The following ADCY1 variants were observed in gnomAD, a reference collection of about 807,000 sequenced individuals.
ADCY1 encodes the protein adenylate cyclase type 1.
ADCY1 carries 28 observed loss-of-function variants against 105.4 expected under a neutral mutation model. The ratio of observed to expected loss-of-function variants is 0.27; its 90% CI spans 0.20 to 0.36. ADCY1 has a LOEUF of 0.36. Among genes scored for constraint, ADCY1 ranks in the 10% least tolerant of loss-of-function variants. ADCY1 has a pLI of 1.00. For missense variants in ADCY1, 977 were observed against 1,434.2 expected (o/e 0.68, Z 5.15); for synonymous variants, 655 against 623.8 (o/e 1.05, Z -0.75).
At chr7:45,693,988 A>C (rs1784829490) in intron 14 of ADCY1, among the ~76,000 whole-genome samples, 1 of 112,142 alleles carries the variant, frequency 8.9e-6, no homozygotes, top group Non-Finnish European at 1.8e-5. Context: ...GGGGGGAGGG[A>C]TAGCATTGGG....
At chr7:45,589,682 G>T (rs1330218246) in intron 1 of ADCY1, among the ~76,000 whole-genome samples, 1 of 152,152 alleles carries the variant, frequency 6.6e-6, no homozygotes, top group Non-Finnish European at 1.5e-5. Context: ...GTGTCTCGGC[G>T]GGTGAGCCCT....
At chr7:45,695,259 A>G (rs956797534) in intron 14 of ADCY1, among the ~76,000 whole-genome samples, 2 of 152,188 alleles carry the variant, frequency 1.3e-5, no homozygotes, top group African/African-American at 4.8e-5. Flanking sequence ...TAGGAGGGCA[A>G]ATTGAATTCC....
rs1453000993 is a variant in ADCY1 at position 45,716,481 on chromosome 7, G to A, written c.*2486G>A. On this transcript the variant is annotated 3_prime_UTR_variant, in exon 20 of 20. Transcript: ENST00000297323. ...GCAGTCACTTCAGACAGGAGCCACA[G>A]GGAGCCTGTGAGGGAGTAGTGCGGT... 6.5e-6 allele frequency: 1 copy of A among 152,726 alleles called. No homozygotes were observed. Among genetic ancestry groups the A allele is most frequent in the Non-Finnish European group, 1.5e-5 (1 of 68,446 alleles). 9.5% of individuals were successfully genotyped at this position (152,726 alleles called of 1,614,324 possible).
chr7:45,670,668 G>A (rs1364602160), intron 8 of ADCY1, among the ~76,000 whole-genome samples: 2 of 151,442 alleles, frequency 1.3e-5, no homozygotes, highest in East Asian at 3.9e-4. Context: ...CTCACCTGAG[G>A]GTGGACCTGT....
At position 45,684,862 on chromosome 7, in the gene ADCY1, A is replaced by T. The variant is rs1444595501; in HGVS notation, c.1984-117A>T. On this transcript the variant is annotated intron_variant, in intron 11 of 19. Coordinates refer to ENST00000297323, the MANE Select transcript of ADCY1 (RefSeq NM_021116.4). ...GACATGTGAGGAGGGTGAAAAACGG[A>T]TGTGGACCTAGCAGCTTGCAGGTCA... is the stretch of plus-strand genomic sequence containing the variant. 5 of 839,692 alleles carry T rather than the reference A, an allele frequency of 6.0e-6. No individual in the cohort carries two copies. The Admixed American group carries it at 7.3e-5, about 12-fold the overall frequency. 52.0% of individuals were successfully genotyped at this position (839,692 alleles called of 1,614,324 possible). A position where few individuals can be genotyped will look rare whatever the true frequency, so the allele number is the denominator to read the frequency against.
chr7:45,575,285 G>A lies in ADCY1; in HGVS notation c.639+103G>A. 1 of 1,402,582 alleles carries A rather than the reference G, an allele frequency of 7.1e-7. No homozygotes were observed. Among genetic ancestry groups the A allele is most frequent in the South Asian group, 1.4e-5 (1 of 69,048 alleles). The allele number at this position is 1,402,582 out of a possible 1,614,324, so 86.9% of individuals were successfully genotyped here. A position where few individuals can be genotyped will look rare whatever the true frequency, so the allele number is the denominator to read the frequency against. On this transcript the variant is annotated intron_variant, in intron 1 of 19. Coordinates refer to ENST00000297323, the MANE Select transcript of ADCY1 (RefSeq NM_021116.4). The surrounding 1 kb of genome is among the most constrained non-coding windows in gnomAD (Gnocchi z 4.7). ...GCGCTTTTTCCTATGCGGCGGGTGG[G>A]GACACTGAGGCTCCGAGTGGGGGTG...
chr7:45,705,709 G>C (rs923516399), intron 17 of ADCY1, among the ~76,000 whole-genome samples: 1 of 152,142 alleles, frequency 6.6e-6, no homozygotes, highest in Non-Finnish European at 1.5e-5. Context: ...TTTACTGGAA[G>C]GCAGTAAGAC....
intron 3 of ADCY1, among the ~76,000 whole-genome samples, chr7:45,614,829 A>C (rs1005570390): frequency 2.0e-5 from 3 of 152,234 alleles, no homozygotes; most frequent in African/African-American, 7.2e-5. Context: ...GGAAGATAAA[A>C]TAATTGTAAA....
At chr7:45,683,952 G>A (rs147968595) in intron 11 of ADCY1, among the ~76,000 whole-genome samples, 1 of 152,382 alleles carries the variant, frequency 6.6e-6, no homozygotes, top group Non-Finnish European at 1.5e-5. Flanking sequence ...CCGAGCTCAC[G>A]CCAGGTGGAA....
chr7:45,630,679 C>A (rs1225860339), intron 4 of ADCY1, among the ~76,000 whole-genome samples: 2 of 152,008 alleles, frequency 1.3e-5, no homozygotes, highest in African/African-American at 4.8e-5. Context: ...TTCCCTTTTT[C>A]TGTATGTGTG....
chr7:45,658,331 A>G (rs1794994639), intron 6 of ADCY1, among the ~76,000 whole-genome samples: 1 of 152,186 alleles, frequency 6.6e-6, no homozygotes, highest in Non-Finnish European at 1.5e-5. Context: ...GCTCATGGAC[A>G]TCTGGGTCAC....
intron 18 of ADCY1, among the ~76,000 whole-genome samples, chr7:45,709,221 G>A (rs1785179129): frequency 6.6e-6 from 1 of 152,204 alleles, no homozygotes; most frequent in African/African-American, 2.4e-5. Flanking sequence ...TGGGCAGAGG[G>A]CAGGGGCAGA....
chr7:45,614,334 G>A (rs1793676748), intron 3 of ADCY1, among the ~76,000 whole-genome samples: 1 of 152,026 alleles, frequency 6.6e-6, no homozygotes, highest in South Asian at 2.1e-4. Context: ...AAAATGGACA[G>A]TTATAGTTTT....
chr7:45,638,234 T>C (rs1488835672), intron 4 of ADCY1, among the ~76,000 whole-genome samples: 1 of 152,210 alleles, frequency 6.6e-6, no homozygotes, highest in East Asian at 1.9e-4. Flanking sequence ...TATTAGGGAG[T>C]TCCACTCTTG....
chr7:45,666,868 C>G (rs1265819227), intron 8 of ADCY1, among the ~76,000 whole-genome samples: 3 of 152,228 alleles, frequency 2.0e-5, no homozygotes, highest in Non-Finnish European at 4.4e-5. Context: ...TTGCATTTCT[C>G]TGATGGCCAG....
chr7:45,623,639 TC>T (rs1339065733), intron 4 of ADCY1, among the ~76,000 whole-genome samples: 2 of 152,208 alleles, frequency 1.3e-5, no homozygotes, highest in Admixed American at 1.3e-4. Context: ...TCATCAGCCA[TC>T]AGATTGAAAG....
chr7:45,669,391 A>G (rs538961207), intron 8 of ADCY1, among the ~76,000 whole-genome samples: 1 of 152,228 alleles, frequency 6.6e-6, no homozygotes, highest in Non-Finnish European at 1.5e-5. Flanking sequence ...TTATGTACCC[A>G]GTAGTCATTC....
At chr7:45,600,125 C>T (rs1401746487) in intron 2 of ADCY1, among the ~76,000 whole-genome samples, 1 of 152,252 alleles carries the variant, frequency 6.6e-6, no homozygotes. Flanking sequence ...GGGCCCACCT[C>T]TGTGCTGGTG....
intron 4 of ADCY1, among the ~76,000 whole-genome samples, chr7:45,643,465 T>G (rs1410766242): frequency 2.6e-5 from 4 of 152,172 alleles, no homozygotes; most frequent in African/African-American, 4.8e-5. Context: ...ACAATAAGTC[T>G]GCTGAATGCA....
Sources: gnomAD v4.1 joint callset for allele counts (sites outside exome capture counted in the v4.1 genomes callset) on GRCh38, gnomAD v4.1.1 for gene constraint, Gnocchi (gnomAD v3.1) non-coding constraint, MANE v1.5 for transcripts, NCBI Gene and HGNC (gene_info 2026-07-23, HGNC 2026-07-21) for gene names.